Variants in FAM185A observed in about 807,000 individuals in gnomAD.
FAM185A encodes the protein family with sequence similarity 185 member A.
In FAM185A, 21 loss-of-function variants were observed where a neutral mutation model predicts 45.7. The ratio of observed to expected loss-of-function variants is 0.46; its 90% CI spans 0.33 to 0.66. FAM185A has a LOEUF of 0.66. Ranked by LOEUF, FAM185A falls within the 30% of genes least tolerant of loss-of-function variation. The probability of loss-of-function intolerance (pLI) is 0.03; values close to 1 mark genes in which losing one functional copy is unlikely to be tolerated. For missense variants in FAM185A, 305 were observed against 485.4 expected (o/e 0.63, Z 3.49); for synonymous variants, 117 against 194.0 (o/e 0.60, Z 3.30).
chr7:102,808,251 A>C, intron 7 of FAM185A, 39 bp from the exon 8 acceptor site: 1 of 1,304,932 alleles, frequency 7.7e-7, no homozygotes. Context: ...GTGGTCAATT[A>C]ATGCTCTTGA....
At chr7:102,756,454 G>A (rs1793743723) in intron 2 of FAM185A, among the ~76,000 whole-genome samples, 2 of 151,394 alleles carry the variant, frequency 1.3e-5, no homozygotes, top group Admixed American at 6.6e-5. Context: ...TCAAGAGATC[G>A]AGACTATCCT....
intron 7 of FAM185A, among the ~76,000 whole-genome samples, chr7:102,799,709 C>A (rs142252938): frequency 6.6e-6 from 1 of 152,122 alleles, no homozygotes; most frequent in Non-Finnish European, 1.5e-5. Context: ...CATATCTAAA[C>A]GAAGGCTTGT....
intron 3 of FAM185A, among the ~76,000 whole-genome samples, chr7:102,759,677 CA>C (rs1235148417): frequency 1.3e-5 from 2 of 151,998 alleles, no homozygotes; most frequent in Non-Finnish European, 2.9e-5. Context: ...TATAACTGGA[CA>C]AATTACTTAA....
chr7:102,805,542 A>AG (rs1562881215), intron 7 of FAM185A, among the ~76,000 whole-genome samples: 1 of 151,512 alleles, frequency 6.6e-6, no homozygotes. Context: ...AAAGGTTGGG[A>AG]GGGGGGTGAG....
the FAM185A span, among the ~76,000 whole-genome samples, chr7:102,834,032 T>TGAAAGAAG: frequency 1.3e-5 from 1 of 75,450 alleles, no homozygotes; most frequent in Non-Finnish European, 2.4e-5. Context: ...GAAACCATGA[T>TGAAAGAAG]GAAGGAAGGA....
intron 6 of FAM185A, chr7:102,779,770 C>A (rs1194464483): frequency 1.3e-5 from 2 of 150,620 alleles, no homozygotes; most frequent in Non-Finnish European, 3.0e-5. Context: ...TGGCTCAGTG[C>A]AGCCTCATCA....
At chr7:102,782,957 C>A (rs1284357176) in intron 6 of FAM185A, among the ~76,000 whole-genome samples, 1 of 151,024 alleles carries the variant, frequency 6.6e-6, no homozygotes, top group Non-Finnish European at 1.5e-5. Context: ...GGAGGAAGAT[C>A]TACCAAGCAA....
the FAM185A span, chr7:102,822,026 A>C: frequency 1.2e-6 from 2 of 1,613,754 alleles, no homozygotes; most frequent in South Asian, 2.2e-5. Flanking sequence ...TGTCATAGTC[A>C]GGTACATACT....
In FAM185A at chr7:102,789,453, A is replaced by C. The variant is rs146041881; in HGVS notation, c.1066+1984A>C. On this transcript the variant is annotated intron_variant, in intron 7 of 7. Transcript: ENST00000413034. Reference sequence around the variant, plus strand: ...GCTGGGCATGGTGGCTTACGCCTGTAATCCCAGCACTTTGGGAGGCCAAGG... The same window carrying C: ...GCTGGGCATGGTGGCTTACGCCTGTCATCCCAGCACTTTGGGAGGCCAAGG... Among the ~76,000 whole-genome samples the C allele has an allele frequency of 6.6e-3, 999 of 152,316 alleles. 8 individuals are homozygous for C. Among genetic ancestry groups the C allele is most frequent in the African/African-American group, 0.023 (943 of 41,570 alleles).
intron 7 of FAM185A, among the ~76,000 whole-genome samples, chr7:102,794,365 C>T (rs111619727): frequency 0.016 from 2,436 of 152,162 alleles, 56 homozygotes; most frequent in African/African-American, 0.056. Flanking sequence ...AGAAACAGTG[C>T]AACCATAGAA....
the FAM185A span, among the ~76,000 whole-genome samples, chr7:102,827,674 C>T: frequency 1.3e-5 from 2 of 151,996 alleles, no homozygotes; most frequent in African/African-American, 4.8e-5. Flanking sequence ...TATTCCTCCC[C>T]CCTCCCGCCA....
the FAM185A span, among the ~76,000 whole-genome samples, chr7:102,825,743 A>G: frequency 6.6e-6 from 1 of 152,218 alleles, no homozygotes; most frequent in Non-Finnish European, 1.5e-5. Context: ...TAGGTAATAA[A>G]TGATACCTCA....
At chr7:102,806,368 A>G (rs1219047395) in intron 7 of FAM185A, among the ~76,000 whole-genome samples, 2 of 152,052 alleles carry the variant, frequency 1.3e-5, no homozygotes, top group Non-Finnish European at 1.5e-5. Flanking sequence ...TATTTTTAGT[A>G]GAGACGGGGT....
intron 7 of FAM185A, among the ~76,000 whole-genome samples, chr7:102,802,639 A>T (rs1796862623): frequency 1.3e-5 from 2 of 152,198 alleles, no homozygotes; most frequent in African/African-American, 4.8e-5. Context: ...ACATCAAGGA[A>T]CTAGAGAAAC....
chr7:102,848,549 C>A, the FAM185A span, among the ~76,000 whole-genome samples: 1 of 14,738 alleles, frequency 6.8e-5, no homozygotes, highest in South Asian at 2.4e-3. Flanking sequence ...GAGCGAGACT[C>A]CGTCTCAAAA....
At chr7:102,775,887 A>G (rs537627270) in intron 5 of FAM185A, among the ~76,000 whole-genome samples, 1 of 152,256 alleles carries the variant, frequency 6.6e-6, no homozygotes, top group East Asian at 1.9e-4. Context: ...TGTGTCATTT[A>G]TCTCTAGTGG....
At chr7:102,767,236 C>A (rs1794467243) in intron 4 of FAM185A, among the ~76,000 whole-genome samples, 1 of 148,922 alleles carries the variant, frequency 6.7e-6, no homozygotes, top group Non-Finnish European at 1.5e-5. Flanking sequence ...AAGTGCAGCT[C>A]CTTAGAGACA....
At chr7:102,767,634 T>C (rs1311550295) in intron 4 of FAM185A, among the ~76,000 whole-genome samples, 1 of 150,296 alleles carries the variant, frequency 6.7e-6, no homozygotes, top group African/African-American at 2.4e-5. Context: ...TCTTATATAC[T>C]TTTGAGTCTG....
At chr7:102,817,850 G>A in the FAM185A span, among the ~76,000 whole-genome samples, 10 of 152,208 alleles carry the variant, frequency 6.6e-5, no homozygotes, top group South Asian at 1.2e-3. Flanking sequence ...GTGAGACCCC[G>A]TATGAAATGA....
Sources: allele counts gnomAD v4.1 joint callset (sites outside exome capture counted in the v4.1 genomes callset), GRCh38; gene constraint gnomAD v4.1.1; transcripts MANE v1.5; gene names NCBI Gene and HGNC (gene_info 2026-07-23, HGNC 2026-07-21).